The following CDH20 variants were observed in gnomAD, a reference collection of about 807,000 sequenced individuals.
CDH20 encodes the protein cadherin 20.
A neutral mutation model predicts 74.2 loss-of-function variants in CDH20; 29 were observed. That is an observed-to-expected ratio of 0.39 (90% CI 0.29 to 0.53). The LOEUF (loss-of-function observed/expected upper bound fraction) is 0.53. Ranked by LOEUF, CDH20 falls within the 20% of genes least tolerant of loss-of-function variation. The pLI is 0.69. For missense variants in CDH20, 988 were observed against 1,048.3 expected (o/e 0.94, Z 0.79); for synonymous variants, 469 against 405.4 (o/e 1.16, Z -1.88).
At chr18:61,403,348 A>G (rs149097759) in intron 1 of CDH20, among the ~76,000 whole-genome samples, 70 of 152,340 alleles carry the variant, frequency 4.6e-4, no homozygotes, top group African/African-American at 1.6e-3. Context: ...CCACTTAGAC[A>G]AATTACTCAA....
intron 5 of CDH20, among the ~76,000 whole-genome samples, chr18:61,505,875 C>T (rs1911543299): frequency 6.6e-6 from 1 of 152,116 alleles, no homozygotes; most frequent in Admixed American, 6.5e-5. Context: ...AAATAGTTCC[C>T]CATCTATTTG....
chr18:61,437,447 C>T (rs976159038), intron 1 of CDH20, among the ~76,000 whole-genome samples: 1 of 152,158 alleles, frequency 6.6e-6, no homozygotes, highest in Non-Finnish European at 1.5e-5. Context: ...ATATATGGAA[C>T]TTAAATAGAC....
intron 6 of CDH20, among the ~76,000 whole-genome samples, chr18:61,517,386 C>A (rs1181643182): frequency 6.6e-6 from 1 of 152,138 alleles, no homozygotes; most frequent in Non-Finnish European, 1.5e-5. Context: ...TCTGAGGTAC[C>A]CGGCTCATCT....
At chr18:61,527,694 T>C (rs935954970) in intron 6 of CDH20, among the ~76,000 whole-genome samples, 26 of 152,108 alleles carry the variant, frequency 1.7e-4, no homozygotes, top group Admixed American at 5.2e-4. Flanking sequence ...TTGCCCAGAA[T>C]AAACGGGCAA....
chr18:61,503,172 C>A (rs754315758), intron 5 of CDH20, 52 bp downstream of exon 5: 4 of 1,396,542 alleles, frequency 2.9e-6, no homozygotes, highest in South Asian at 1.6e-5. Context: ...GGGACGCACC[C>A]GTTGCAGAGG....
chr18:61,430,738 C>T (rs955814589), intron 1 of CDH20, among the ~76,000 whole-genome samples: 3 of 152,172 alleles, frequency 2.0e-5, no homozygotes, highest in Admixed American at 6.5e-5. Context: ...CCAGCTTTGG[C>T]CCTTGGGAGC....
At chr18:61,396,685 A>G (rs117023393) in intron 1 of CDH20, among the ~76,000 whole-genome samples, 2 of 152,346 alleles carry the variant, frequency 1.3e-5, no homozygotes, top group African/African-American at 2.4e-5. Flanking sequence ...TGAAGCAGGT[A>G]GGAACTTCAG....
intron 10 of CDH20, 40 bp from the exon 11 acceptor site, chr18:61,549,938 A>G: frequency 6.3e-7 from 1 of 1,592,676 alleles, no homozygotes; most frequent in Middle Eastern, 1.7e-4. Context: ...AAATTAATTC[A>G]CCTTCCCTTT....
chr18:61,545,622 G>T (rs188077477), intron 10 of CDH20, among the ~76,000 whole-genome samples: 1 of 152,164 alleles, frequency 6.6e-6, no homozygotes, highest in East Asian at 1.9e-4. Context: ...GAGAAAGATA[G>T]AAAGTGATCT....
chr18:61,468,799 C>T (rs1308384440), intron 1 of CDH20, among the ~76,000 whole-genome samples: 1 of 152,152 alleles, frequency 6.6e-6, no homozygotes, highest in Non-Finnish European at 1.5e-5. Context: ...AATGAAGTTC[C>T]TCAAAAAGCC....
intron 1 of CDH20, among the ~76,000 whole-genome samples, chr18:61,437,041 G>A (rs1453834877): frequency 6.6e-6 from 1 of 152,120 alleles, no homozygotes; most frequent in East Asian, 1.9e-4. Flanking sequence ...AACATAGTAG[G>A]CACTCAATGA....
chr18:61,472,024 C>T (rs1000212916), intron 1 of CDH20, among the ~76,000 whole-genome samples: 4 of 152,154 alleles, frequency 2.6e-5, no homozygotes, highest in African/African-American at 9.7e-5. Flanking sequence ...TTAGCTCTTA[C>T]TGTACAAGGC....
chr18:61,361,603 G>A (rs908158334), intron 1 of CDH20, among the ~76,000 whole-genome samples: 5 of 152,072 alleles, frequency 3.3e-5, no homozygotes, highest in Non-Finnish European at 7.4e-5. Context: ...AATCATAAGA[G>A]GTCACCTAAG....
At chr18:61,381,910 T>C (rs1018118122) in intron 1 of CDH20, among the ~76,000 whole-genome samples, 3 of 152,202 alleles carry the variant, frequency 2.0e-5, no homozygotes, top group Non-Finnish European at 2.9e-5. Flanking sequence ...AGATCTCTTC[T>C]ACCAATTCAA....
chr18:61,401,744 A>C (rs960262334), intron 1 of CDH20, among the ~76,000 whole-genome samples: 2 of 152,214 alleles, frequency 1.3e-5, no homozygotes, highest in Non-Finnish European at 2.9e-5. Context: ...AATAAATTAA[A>C]ACACAGCATA....
chr18:61,347,943 G>C (rs1055478046), intron 1 of CDH20, among the ~76,000 whole-genome samples: 1 of 152,000 alleles, frequency 6.6e-6, no homozygotes, highest in Non-Finnish European at 1.5e-5. Context: ...CACACATAAA[G>C]AACTCAAACA....
At chr18:61,507,800 A>C (rs935262054) in intron 6 of CDH20, among the ~76,000 whole-genome samples, 2 of 152,018 alleles carry the variant, frequency 1.3e-5, no homozygotes, top group African/African-American at 2.4e-5. Flanking sequence ...TATATTATAA[A>C]TATATTTCTA....
Position 61,555,757 on chromosome 18 carries a change from A to C in CDH20, c.*1062A>C, listed in dbSNP as rs1300043557. On this transcript the variant is annotated 3_prime_UTR_variant, in exon 12 of 12. Transcript: ENST00000262717. ...TCTCAGTACCTTAGCACTTCTTTTA[A>C]TAAAAGTTAAATAGAAGGAAAAGTC... The C allele has an allele frequency of 4.2e-6, 4 of 956,776 alleles. No homozygotes were observed. The highest frequency in any genetic ancestry group is 5.0e-6 in the Non-Finnish European group (4 of 803,850). The allele number at this position is 956,776 out of a possible 1,614,324, so 59.3% of individuals were successfully genotyped here. A position where few individuals can be genotyped will look rare whatever the true frequency, so the allele number is the denominator to read the frequency against.
chr18:61,549,921 A>T, intron 10 of CDH20, 57 bp from the exon 11 acceptor site: 1 of 1,574,018 alleles, frequency 6.4e-7, no homozygotes, highest in Non-Finnish European at 8.7e-7. Context: ...GCTTTCCTCA[A>T]TCCAAGAAAT....
Sources: gnomAD v4.1 joint callset for allele counts (sites outside exome capture counted in the v4.1 genomes callset) on GRCh38, gnomAD v4.1.1 for gene constraint, MANE v1.5 for transcripts, NCBI Gene and HGNC (gene_info 2026-07-23, HGNC 2026-07-21) for gene names.